The following GMPS variants were observed in gnomAD, a reference collection of about 807,000 sequenced individuals.
GMPS encodes the protein guanosine monophosphate synthase, also known as GMP synthase [glutamine-hydrolyzing].
A neutral mutation model predicts 77.9 loss-of-function variants in GMPS; 15 were observed. That is an observed-to-expected ratio of 0.19 (90% CI 0.13 to 0.30). The LOEUF (loss-of-function observed/expected upper bound fraction) is 0.30. GMPS is among the 10% of genes least tolerant of loss of function. GMPS has a pLI of 1.00. For missense variants in GMPS, 590 were observed against 838.8 expected, an observed-to-expected ratio of 0.70 and a Z score of 3.66; for synonymous variants, 224 against 275.9, an observed-to-expected ratio of 0.81 and a Z score of 1.86.
intron 1 of GMPS, among the ~76,000 whole-genome samples, chr3:155,871,291 C>G (rs1281676518): frequency 6.6e-6 from 1 of 152,066 alleles, no homozygotes; most frequent in East Asian, 1.9e-4. Context: ...CACCCCGTCC[C>G]TCTGGGAGGC....
Position 155,940,181 on chromosome 3 carries a change from T to C in GMPS, c.*2489T>C, listed in dbSNP as rs188575901. The C allele has an allele frequency of 5.8e-4, 115 of 199,864 alleles. No individual in the cohort carries two copies. Among genetic ancestry groups the C allele is most frequent in the African/African-American group, 2.5e-3 (111 of 43,664 alleles). 12.4% of individuals were successfully genotyped at this position (199,864 alleles called of 1,614,324 possible). A position where few individuals can be genotyped will look rare whatever the true frequency, so the allele number is the denominator to read the frequency against. On this transcript the variant is annotated 3_prime_UTR_variant, in exon 16 of 16. Transcript: ENST00000496455. ...AAATATATTCTTTTTCTTTGTACTT[T>C]TTAGGTAGACAGAGAATGTAGATCA...
intron 11 of GMPS, among the ~76,000 whole-genome samples, chr3:155,923,082 C>G (rs1295856704): frequency 2.0e-5 from 3 of 152,022 alleles, no homozygotes; most frequent in South Asian, 2.1e-4. Context: ...ACAAGACCCT[C>G]AAGACTTTAC....
chr3:155,919,942 TGTACATCAGGTTCTAGCTCACTGTAATA>T (rs1345031006), intron 10 of GMPS, among the ~76,000 whole-genome samples: 17 of 152,244 alleles, frequency 1.1e-4, no homozygotes, highest in Non-Finnish European at 2.2e-4. Flanking sequence ...TGGGCAAGTC[TGTACATCAGGTTCTAGCTCACTGTAATA>T]GTGATTAGGG....
chr3:155,913,518 C>G (rs948823660), intron 7 of GMPS, among the ~76,000 whole-genome samples: 1 of 124,604 alleles, frequency 8.0e-6, no homozygotes, highest in African/African-American at 2.6e-5. Flanking sequence ...AAACAATCAG[C>G]ATAAATTTTT....
intron 7 of GMPS, among the ~76,000 whole-genome samples, chr3:155,913,918 A>T (rs186324299): frequency 6.6e-6 from 1 of 151,882 alleles, no homozygotes; most frequent in Non-Finnish European, 1.5e-5. Context: ...GAATTCTGTT[A>T]CTCAGGATTT....
intron 1 of GMPS, among the ~76,000 whole-genome samples, chr3:155,886,065 C>T (rs551446558): frequency 1.3e-5 from 2 of 152,172 alleles, no homozygotes; most frequent in South Asian, 4.2e-4. Context: ...AAGTGATCCT[C>T]CCATCTCAGC....
rs761035421 is a variant in GMPS, at chr3:155,922,167, A to G, written c.1319-20A>G. The G allele has an allele frequency of 1.1e-6, 1 of 931,402 alleles. No homozygotes were observed. The highest frequency in any genetic ancestry group is 1.6e-6 in the Non-Finnish European group (1 of 616,916). 57.7% of individuals were successfully genotyped at this position (931,402 alleles called of 1,614,324 possible). On this transcript the variant is annotated intron_variant, in intron 10 of 15. Coordinates refer to ENST00000496455, the MANE Select transcript of GMPS (RefSeq NM_003875.3). ...AAATATAACATTAATGTTAAATACT[A>G]TTATTACTCCTACCTTTAGGTCCTG...
At chr3:155,930,020 A>G (rs1389634901) in intron 12 of GMPS, among the ~76,000 whole-genome samples, 4 of 150,106 alleles carry the variant, frequency 2.7e-5, no homozygotes, top group African/African-American at 7.3e-5. Context: ...ACTAAAGTTC[A>G]TATGGAACCA....
At chr3:155,883,229 G>A (rs1018296703) in intron 1 of GMPS, among the ~76,000 whole-genome samples, 2 of 151,900 alleles carry the variant, frequency 1.3e-5, no homozygotes, top group African/African-American at 2.4e-5. Context: ...GCGCCACCAC[G>A]CCTAGCTAAT....
At chr3:155,875,043 C>T (rs1399532668) in intron 1 of GMPS, among the ~76,000 whole-genome samples, 1 of 151,098 alleles carries the variant, frequency 6.6e-6, no homozygotes, top group African/African-American at 2.4e-5. Flanking sequence ...CTCAGCCACC[C>T]GAGTAGCTGG....
chr3:155,883,012 C>T (rs942714116), intron 1 of GMPS, among the ~76,000 whole-genome samples: 16 of 152,286 alleles, frequency 1.1e-4, no homozygotes, highest in African/African-American at 3.6e-4. Context: ...AAATAGACCA[C>T]ATACTACCAC....
At position 155,872,685 on chromosome 3, in the gene GMPS, T is replaced by C. The variant is rs539859744; in HGVS notation, c.27+1788T>C. Among the ~76,000 whole-genome samples the C allele has an allele frequency of 1.4e-4, 22 of 152,366 alleles. No homozygotes were observed. The South Asian group carries it at 4.6e-3, about 32-fold the overall frequency. On this transcript the variant is annotated intron_variant, in intron 1 of 15. Transcript: ENST00000496455. Reference sequence around the variant, plus strand: ...AGTTGGAATGACAAAGATAATCTTATCAGTTTGCTATATTTGAGCCTAGGG... The same window carrying C: ...AGTTGGAATGACAAAGATAATCTTACCAGTTTGCTATATTTGAGCCTAGGG...
intron 12 of GMPS, among the ~76,000 whole-genome samples, chr3:155,926,940 G>A (rs1330917010): frequency 6.6e-6 from 1 of 152,086 alleles, no homozygotes; most frequent in African/African-American, 2.4e-5. Context: ...CTTGAACCCA[G>A]GAGGCGGAGG....
chr3:155,940,661 G>A lies in GMPS; in HGVS notation c.*2969G>A, dbSNP rs1755863708. The A allele has an allele frequency of 4.6e-6, 1 of 215,536 alleles. No homozygotes were observed. Among genetic ancestry groups the A allele is most frequent in the African/African-American group, 2.3e-5 (1 of 44,084 alleles). 13.4% of individuals were successfully genotyped at this position (215,536 alleles called of 1,614,324 possible). A position where few individuals can be genotyped will look rare whatever the true frequency, so the allele number is the denominator to read the frequency against. ...ATGAGGTAACTGTATTAAATTTTCA[G>A]CATCAAATCCAGCTATAAATTTGTA... On this transcript the variant is annotated 3_prime_UTR_variant, in exon 16 of 16. Coordinates refer to ENST00000496455, the MANE Select transcript of GMPS (RefSeq NM_003875.3).
intron 1 of GMPS, among the ~76,000 whole-genome samples, chr3:155,891,533 G>C (rs1249392912): frequency 1.3e-5 from 2 of 151,140 alleles, no homozygotes; most frequent in Admixed American, 6.6e-5. Context: ...TATGACCTGA[G>C]TAATTTCTTC....
intron 13 of GMPS, among the ~76,000 whole-genome samples, chr3:155,932,277 A>AACACACACACACAC (rs10548751): frequency 7.1e-6 from 1 of 141,150 alleles, no homozygotes; most frequent in Non-Finnish European, 1.5e-5. Context: ...CAAATAAAGT[A>AACACACACACACAC]ACACACACAC....
chr3:155,891,858 G>T (rs192575765), intron 1 of GMPS, among the ~76,000 whole-genome samples: 15 of 152,008 alleles, frequency 9.9e-5, no homozygotes, highest in Admixed American at 8.5e-4. Flanking sequence ...CACCTGCCTC[G>T]GCCTCCCAAA....
chr3:155,910,907 A>G, intron 6 of GMPS, 22 bp downstream of exon 6: 1 of 1,482,210 alleles, frequency 6.7e-7, no homozygotes, highest in Non-Finnish European at 9.2e-7. Context: ...ATTATCTGGA[A>G]GTCTACAAAT....
Position 155,903,844 on chromosome 3 carries a change from A to C in GMPS, c.325-19A>C, listed in dbSNP as rs549277990. The C allele has an allele frequency of 9.3e-7, 1 of 1,073,752 alleles. No homozygotes were observed. The highest frequency in any genetic ancestry group is 1.6e-5 in the South Asian group (1 of 63,688). The allele number at this position is 1,073,752 out of a possible 1,614,324, so 66.5% of individuals were successfully genotyped here. A position where few individuals can be genotyped will look rare whatever the true frequency, so the allele number is the denominator to read the frequency against. ...TTTTCTTTTGATTTCTATTAACATT[A>C]ATTTTTTTCTTTGAACAGATGATGA... On this transcript the variant is annotated intron_variant, in intron 3 of 15. Coordinates refer to ENST00000496455, the MANE Select transcript of GMPS (RefSeq NM_003875.3).
Sources: gnomAD v4.1 joint callset for allele counts (sites outside exome capture counted in the v4.1 genomes callset) on GRCh38, gnomAD v4.1.1 for gene constraint, MANE v1.5 for transcripts, NCBI Gene and HGNC (gene_info 2026-07-23, HGNC 2026-07-21) for gene names.